The following CNTN5 variants were observed in gnomAD, a reference collection of about 807,000 sequenced individuals.
CNTN5 encodes contactin 5, also known as contactin-5.
A neutral mutation model predicts 129.1 loss-of-function variants in CNTN5; 77 were observed. The observed-to-expected ratio is 0.60, with a 90% CI of 0.50 to 0.72. The LOEUF is 0.72. CNTN5 is among the 30% of genes least tolerant of loss of function. The pLI is 0.00. For synonymous variants in CNTN5, 509 were observed against 465.6 expected (o/e 1.09, Z -1.20); for missense variants, 1,478 against 1,328.8 (o/e 1.11, Z -1.75).
intron 1 of CNTN5, among the ~76,000 whole-genome samples, chr11:99,194,191 CAGAAT>C (rs1858789103): frequency 6.6e-6 from 1 of 151,712 alleles, no homozygotes; most frequent in Non-Finnish European, 1.5e-5. Flanking sequence ...TAAATTTTTT[CAGAAT>C]ATAAAATTAA....
intron 3 of CNTN5, among the ~76,000 whole-genome samples, chr11:99,634,251 A>C (rs754427833): frequency 2.0e-5 from 3 of 152,230 alleles, no homozygotes; most frequent in Non-Finnish European, 4.4e-5. Context: ...TACAACTTTA[A>C]ATGGGATAAA....
chr11:99,252,504 GA>G (rs1313399767), intron 1 of CNTN5, among the ~76,000 whole-genome samples: 61 of 146,026 alleles, frequency 4.2e-4, no homozygotes, highest in African/African-American at 1.5e-3. Flanking sequence ...AAAAAAAAAA[GA>G]AAAAAACATC....
intron 6 of CNTN5, among the ~76,000 whole-genome samples, chr11:99,873,629 A>G (rs571139724): frequency 3.9e-5 from 6 of 152,128 alleles, no homozygotes; most frequent in Non-Finnish European, 5.9e-5. Context: ...TGTAAATTCA[A>G]TCTTTATGGA....
chr11:99,720,747 C>G (rs1388034960), intron 3 of CNTN5, among the ~76,000 whole-genome samples: 1 of 152,050 alleles, frequency 6.6e-6, no homozygotes, highest in South Asian at 2.1e-4. Context: ...AGCAGGAAAA[C>G]CCAGTAGTCT....
At chr11:100,164,563 T>A (rs1947564476) in intron 13 of CNTN5, among the ~76,000 whole-genome samples, 1 of 151,796 alleles carries the variant, frequency 6.6e-6, no homozygotes, top group Admixed American at 6.6e-5. Context: ...CCAAAATACA[T>A]ACTAAAAATA....
chr11:100,234,268 G>A (rs538698997), intron 16 of CNTN5, among the ~76,000 whole-genome samples: 10 of 152,152 alleles, frequency 6.6e-5, no homozygotes, highest in East Asian at 5.8e-4. Flanking sequence ...CAGAAATACC[G>A]TTTGACCCAG....
intron 3 of CNTN5, among the ~76,000 whole-genome samples, chr11:99,613,085 G>A (rs1950639872): frequency 1.3e-5 from 2 of 152,082 alleles, no homozygotes; most frequent in Non-Finnish European, 2.9e-5. Context: ...CCACAACCAC[G>A]ATGCTCACAG....
At chr11:99,214,863 C>T (rs897250146) in intron 1 of CNTN5, among the ~76,000 whole-genome samples, 1 of 152,062 alleles carries the variant, frequency 6.6e-6, no homozygotes, top group Admixed American at 6.6e-5. Flanking sequence ...ATTCTCTCCA[C>T]AATATTTCTG....
At chr11:99,411,545 A>T (rs568646251) in intron 2 of CNTN5, among the ~76,000 whole-genome samples, 11 of 152,076 alleles carry the variant, frequency 7.2e-5, no homozygotes, top group East Asian at 3.9e-4. Context: ...AATACAAAAA[A>T]TTTTTTTAAA....
chr11:99,742,997 A>AGCAACAT (rs1943933984), intron 3 of CNTN5, among the ~76,000 whole-genome samples: 1 of 152,220 alleles, frequency 6.6e-6, no homozygotes, highest in Non-Finnish European at 1.5e-5. Context: ...GGCTAAACTC[A>AGCAACAT]GCAACATGCA....
At chr11:99,302,699 A>T (rs971101806) in intron 1 of CNTN5, among the ~76,000 whole-genome samples, 1 of 151,760 alleles carries the variant, frequency 6.6e-6, no homozygotes, top group African/African-American at 2.4e-5. Flanking sequence ...GCCTTAATAC[A>T]TTGAAAATGA....
rs1161173280 is a variant in CNTN5 at position 100,036,585 on chromosome 11, T to A, written c.981-24627T>A. Among the ~76,000 whole-genome samples, 17 of 147,832 alleles carry A rather than the reference T, an allele frequency of 1.1e-4. 1 individual carries two copies. In the Admixed American group the frequency reaches 1.2e-3, roughly 10 times the overall value. On this transcript the variant is annotated intron_variant, in intron 9 of 24. Coordinates refer to ENST00000524871, the MANE Select transcript of CNTN5 (RefSeq NM_014361.4). ...GTATGGCCATTTTCATGATATTGAT[T>A]CTTCCTACCCATGAGCAAGGAATGT...
rs756680873 is a variant in CNTN5, at chr11:100,299,223, A to G, written c.2447A>G (p.Asn816Ser). The G allele has an allele frequency of 3.5e-5, 57 of 1,610,140 alleles. No individual in the cohort carries two copies. Among genetic ancestry groups the G allele is most frequent in the Non-Finnish European group, 4.3e-5 (51 of 1,177,522 alleles). ...GGCTATATTGTGGCTTTCAGACCCA[A>G]TGGAACACGTGGCTGGAAGGAAAAA... Reference protein sequence around the residue: ...GFGYIVAFRPNGTRGWKEKMV... With the variant: ...GFGYIVAFRPSGTRGWKEKMV... The change falls in exon 20 of 25, where the codon AAT becomes AGT. Residue 816 changes from asparagine (N) to serine (S), a missense_variant. Coordinates refer to ENST00000524871, the MANE Select transcript of CNTN5 (RefSeq NM_014361.4).
chr11:99,401,044 G>T (rs1014661830), intron 2 of CNTN5, among the ~76,000 whole-genome samples: 1 of 151,962 alleles, frequency 6.6e-6, no homozygotes, highest in African/African-American at 2.4e-5. Flanking sequence ...TGTTTACTTT[G>T]TTGGTTGTTT....
chr11:99,510,086 C>T (rs1946778619), intron 2 of CNTN5, among the ~76,000 whole-genome samples: 1 of 151,820 alleles, frequency 6.6e-6, no homozygotes, highest in South Asian at 2.1e-4. Flanking sequence ...TTACTTAAAA[C>T]AGTGCTTGGC....
chr11:99,115,854 A>G (rs1858021603), intron 1 of CNTN5, among the ~76,000 whole-genome samples: 1 of 152,280 alleles, frequency 6.6e-6, no homozygotes, highest in African/African-American at 2.4e-5. Flanking sequence ...GGAAGGAGAC[A>G]CAGCTAGCAC....
At chr11:99,981,764 C>G (rs1235344552) in intron 8 of CNTN5, among the ~76,000 whole-genome samples, 1 of 152,158 alleles carries the variant, frequency 6.6e-6, no homozygotes, top group Non-Finnish European at 1.5e-5. Context: ...GGTCATCATT[C>G]TATGCCATAA....
intron 16 of CNTN5, among the ~76,000 whole-genome samples, chr11:100,246,755 T>G (rs1171876309): frequency 6.6e-6 from 1 of 152,312 alleles, no homozygotes; most frequent in African/African-American, 2.4e-5. Flanking sequence ...ATGTATTACT[T>G]TTTCTCAGAT....
chr11:99,244,984 C>T (rs947115187), intron 1 of CNTN5, among the ~76,000 whole-genome samples: 7 of 152,138 alleles, frequency 4.6e-5, no homozygotes, highest in East Asian at 1.9e-4. Context: ...ATTAAACTCC[C>T]GTGAAACGTT....
Sources: gnomAD v4.1 joint callset for allele counts (sites outside exome capture counted in the v4.1 genomes callset) on GRCh38, gnomAD v4.1.1 for gene constraint, MANE v1.5 for transcripts, NCBI Gene and HGNC (gene_info 2026-07-23, HGNC 2026-07-21) for gene names.